Variants in AUTS2 observed in about 807,000 individuals in gnomAD.
AUTS2 encodes the protein activator of transcription and developmental regulator AUTS2.
Under a neutral mutation model 112.4 loss-of-function variants are expected in AUTS2, and 17 were observed. That is an observed-to-expected ratio of 0.15 (90% CI 0.10 to 0.23). The LOEUF is 0.23. AUTS2 is among the 10% of genes least tolerant of loss of function. The pLI, the probability that AUTS2 is intolerant of heterozygous loss-of-function variation, is 1.00. For synonymous variants in AUTS2, 751 were observed against 702.7 expected (o/e 1.07, Z -1.09); for missense variants, 1,510 against 1,701.6 (o/e 0.89, Z 1.98).
chr7:70,378,650 G>A (rs1294633231), intron 4 of AUTS2, among the ~76,000 whole-genome samples: 1 of 152,198 alleles, frequency 6.6e-6, no homozygotes, highest in Non-Finnish European at 1.5e-5. Flanking sequence ...CATGTTTGTA[G>A]ATACCATGAA....
At chr7:70,571,703 A>G (rs573443972) in intron 5 of AUTS2, among the ~76,000 whole-genome samples, 1 of 152,272 alleles carries the variant, frequency 6.6e-6, no homozygotes, top group Admixed American at 6.5e-5. Context: ...GCCTCTGTGG[A>G]GGAGCCTTGG....
intron 5 of AUTS2, among the ~76,000 whole-genome samples, chr7:70,639,509 G>T (rs569211906): frequency 1.3e-5 from 2 of 150,912 alleles, no homozygotes; most frequent in South Asian, 2.1e-4. Flanking sequence ...TCAGCTACTG[G>T]GGGGGTGGTG....
At chr7:69,798,236 G>A (rs1033945262) in intron 1 of AUTS2, among the ~76,000 whole-genome samples, 1 of 152,052 alleles carries the variant, frequency 6.6e-6, no homozygotes, top group Non-Finnish European at 1.5e-5. Context: ...GTTTGTGCTG[G>A]GAGGAACGTA....
intron 2 of AUTS2, among the ~76,000 whole-genome samples, chr7:70,117,036 T>A (rs1214210468): frequency 6.6e-6 from 1 of 152,090 alleles, no homozygotes; most frequent in East Asian, 1.9e-4. Context: ...TGTTCATTTT[T>A]AATGGAAAAC....
chr7:70,478,357 G>A (rs762744115), intron 5 of AUTS2, among the ~76,000 whole-genome samples: 9 of 151,852 alleles, frequency 5.9e-5, no homozygotes, highest in Non-Finnish European at 1.0e-4. Flanking sequence ...CTGTTCTCTG[G>A]ACACAGAGGC....
intron 4 of AUTS2, among the ~76,000 whole-genome samples, chr7:70,425,621 G>C (rs1158858774): frequency 6.6e-6 from 1 of 152,198 alleles, no homozygotes; most frequent in Non-Finnish European, 1.5e-5. Context: ...GAATACACTA[G>C]ACCCTGTGAT....
At chr7:70,700,203 T>C (rs954343133) in intron 6 of AUTS2, among the ~76,000 whole-genome samples, 2 of 152,192 alleles carry the variant, frequency 1.3e-5, no homozygotes, top group African/African-American at 4.8e-5. Flanking sequence ...TATTTTTGTT[T>C]ACTTACAGAG....
At chr7:70,127,899 C>T (rs1453137500) in intron 3 of AUTS2, among the ~76,000 whole-genome samples, 1 of 152,108 alleles carries the variant, frequency 6.6e-6, no homozygotes, top group Non-Finnish European at 1.5e-5. Context: ...ATGCCAGCAT[C>T]TGTCCTATTC....
chr7:69,963,552 C>A (rs1181792938), intron 2 of AUTS2, among the ~76,000 whole-genome samples: 1 of 152,120 alleles, frequency 6.6e-6, no homozygotes, highest in East Asian at 1.9e-4. Context: ...CTTTAGCTGA[C>A]TGAGCTACTA....
rs1383766546 is a variant in AUTS2 at position 70,109,862 on chromosome 7, T to C, written c.523-8270T>C. ...TGCTGAGAGGAAGAGTCCATTCAGA[T>C]GGTGAGGGGGCCTTAGAATTACATT... On this transcript the variant is annotated intron_variant, in intron 2 of 18. Transcript: ENST00000342771. Among the ~76,000 whole-genome samples, 6 of 152,240 alleles carry C rather than the reference T, an allele frequency of 3.9e-5. No individual in the cohort carries two copies. The East Asian group carries it at 1.2e-3, about 29-fold the overall frequency.
chr7:69,747,443 G>A (rs1787542731), intron 1 of AUTS2, among the ~76,000 whole-genome samples: 1 of 152,152 alleles, frequency 6.6e-6, no homozygotes. Flanking sequence ...TGGTATGTAG[G>A]TATAAAATGA....
chr7:69,740,652 G>A (rs896745178), intron 1 of AUTS2, among the ~76,000 whole-genome samples: 1 of 151,938 alleles, frequency 6.6e-6, no homozygotes, highest in Non-Finnish European at 1.5e-5. Context: ...GCCTCCCAAG[G>A]AGCTGGGATT....
At chr7:70,727,126 G>A (rs1787083199) in intron 6 of AUTS2, among the ~76,000 whole-genome samples, 1 of 152,194 alleles carries the variant, frequency 6.6e-6, no homozygotes, top group Non-Finnish European at 1.5e-5. Flanking sequence ...TGTCTAAGGG[G>A]AGGAAGGTTA....
intron 1 of AUTS2, among the ~76,000 whole-genome samples, chr7:69,871,142 A>G (rs1181746933): frequency 6.6e-6 from 1 of 152,166 alleles, no homozygotes; most frequent in African/African-American, 2.4e-5. Flanking sequence ...ACTGAAAGGG[A>G]CTGTCTTTCC....
chr7:69,745,048 A>G (rs1210243594), intron 1 of AUTS2, among the ~76,000 whole-genome samples: 3 of 152,150 alleles, frequency 2.0e-5, no homozygotes, highest in African/African-American at 7.2e-5. Flanking sequence ...GTTCTTAAAC[A>G]TCTCTTCTTA....
At chr7:70,066,593 T>C (rs1802505357) in intron 2 of AUTS2, among the ~76,000 whole-genome samples, 1 of 148,464 alleles carries the variant, frequency 6.7e-6, no homozygotes, top group African/African-American at 2.5e-5. Context: ...CAGGCTGGAG[T>C]GCAATGGCGC....
At chr7:69,995,789 T>G (rs1299056643) in intron 2 of AUTS2, among the ~76,000 whole-genome samples, 1 of 152,212 alleles carries the variant, frequency 6.6e-6, no homozygotes, top group Admixed American at 6.5e-5. Context: ...TGTATGATCA[T>G]GCTTGACACC....
At position 70,319,094 on chromosome 7, in the gene AUTS2, G is replaced by T. The variant is rs149071210; in HGVS notation, c.661-116658G>T. Among the ~76,000 whole-genome samples the T allele has an allele frequency of 3.5e-3, 529 of 152,226 alleles. 2 individuals are homozygous for T. The highest frequency in any genetic ancestry group is 0.012 in the African/African-American group (504 of 41,536). Reference sequence around the variant, plus strand: ...AGTTTTACAAAACATCTCTGCTTCTGCCTTGCCATGTCAGCAAAAGATTCT... The same window carrying T: ...AGTTTTACAAAACATCTCTGCTTCTTCCTTGCCATGTCAGCAAAAGATTCT... On this transcript the variant is annotated intron_variant, in intron 4 of 18. Transcript: ENST00000342771.
intron 5 of AUTS2, among the ~76,000 whole-genome samples, chr7:70,590,122 TTGTGTGTG>T (rs55775984): frequency 6.3e-5 from 9 of 143,500 alleles, no homozygotes; most frequent in African/African-American, 2.1e-4. Context: ...GTTTTTGCAT[TTGTGTGTG>T]TGTGTGTGTG....
Sources: gnomAD v4.1 joint callset for allele counts (sites outside exome capture counted in the v4.1 genomes callset) on GRCh38, gnomAD v4.1.1 for gene constraint, MANE v1.5 for transcripts, NCBI Gene and HGNC (gene_info 2026-07-23, HGNC 2026-07-21) for gene names.